Variants in KCNK9 observed in about 807,000 individuals in gnomAD.
KCNK9 encodes potassium two pore domain channel subfamily K member 9, also known as potassium channel subfamily K member 9.
Under a neutral mutation model 10.8 loss-of-function variants are expected in KCNK9, and 1 was observed. The ratio of observed to expected loss-of-function variants is 0.09; its 90% confidence interval spans 0.03 to 0.44. The LOEUF (loss-of-function observed/expected upper bound fraction) is 0.44, where lower values mean the gene tolerates loss of function less well. KCNK9 is among the 20% of genes least tolerant of loss of function. The pLI, the probability that KCNK9 is intolerant of heterozygous loss-of-function variation, is 0.97. For missense variants in KCNK9, 303 were observed against 515.0 expected (o/e 0.59, Z 3.98); for synonymous variants, 231 against 222.7 (o/e 1.04, Z -0.33).
chr8:139,607,865 C>G (rs1365711940), downstream of KCNK9, among the ~76,000 whole-genome samples: 2 of 152,182 alleles, frequency 1.3e-5, no homozygotes, highest in Non-Finnish European at 2.9e-5. Flanking sequence ...AAGACACCTG[C>G]CTCTTAGCTC....
At chr8:139,637,291 A>G (rs369246143) in intron 1 of KCNK9, among the ~76,000 whole-genome samples, 3 of 152,232 alleles carry the variant, frequency 2.0e-5, no homozygotes, top group African/African-American at 7.2e-5. Context: ...ACCGCAAGGC[A>G]TTTAAGGACA....
chr8:139,649,367 G>A (rs1815786098), intron 1 of KCNK9, among the ~76,000 whole-genome samples: 2 of 152,156 alleles, frequency 1.3e-5, no homozygotes, highest in Non-Finnish European at 2.9e-5. Flanking sequence ...CGTTGATTTG[G>A]GGGCTGGCTG....
chr8:139,660,792 C>T (rs1816133516), intron 1 of KCNK9, among the ~76,000 whole-genome samples: 1 of 152,066 alleles, frequency 6.6e-6, no homozygotes, highest in Non-Finnish European at 1.5e-5. Flanking sequence ...ATATGTCTTG[C>T]AACCATTCCC....
At chr8:139,686,885 G>C (rs773109421) in intron 1 of KCNK9, among the ~76,000 whole-genome samples, 11 of 152,074 alleles carry the variant, frequency 7.2e-5, no homozygotes, top group African/African-American at 2.7e-4. Flanking sequence ...GACACCTATG[G>C]GATGCAGCCA....
At chr8:139,647,364 C>T (rs1350499159) in intron 1 of KCNK9, among the ~76,000 whole-genome samples, 2 of 152,204 alleles carry the variant, frequency 1.3e-5, no homozygotes, top group Non-Finnish European at 2.9e-5. Context: ...GTTTGCCAGG[C>T]ACAGCTGTAG....
At chr8:139,606,272 C>CA (rs1563709297) in intron 2 of KCNK9, among the ~76,000 whole-genome samples, 1 of 152,204 alleles carries the variant, frequency 6.6e-6, no homozygotes, top group Non-Finnish European at 1.5e-5. Flanking sequence ...ATCACCCTCC[C>CA]ACAGGGAGTG....
downstream of KCNK9, among the ~76,000 whole-genome samples, chr8:139,609,856 G>A (rs892864526): frequency 6.6e-6 from 1 of 152,168 alleles, no homozygotes; most frequent in Non-Finnish European, 1.5e-5. Flanking sequence ...CTGGCGTCCT[G>A]TCCATGGTGG....
At chr8:139,604,509 G>T (rs534628324) in intron 2 of KCNK9, among the ~76,000 whole-genome samples, 1 of 152,270 alleles carries the variant, frequency 6.6e-6, no homozygotes, top group South Asian at 2.1e-4. Flanking sequence ...AGCACAAGCC[G>T]GGCACGCAGA....
At chr8:139,649,115 T>A (rs73724497) in intron 1 of KCNK9, among the ~76,000 whole-genome samples, 7,862 of 152,238 alleles carry the variant, frequency 0.052, 684 homozygotes, top group African/African-American at 0.18. Flanking sequence ...CTCCCACACC[T>A]TTTATTCCAT....
intron 2 of KCNK9, among the ~76,000 whole-genome samples, chr8:139,603,754 G>C (rs892973241): frequency 4.6e-5 from 7 of 152,196 alleles, no homozygotes; most frequent in Non-Finnish European, 8.8e-5. Context: ...AGCCAGGAAA[G>C]GAACTCAGCC....
chr8:139,621,337 T>C (rs988814543), intron 1 of KCNK9, among the ~76,000 whole-genome samples: 1 of 149,468 alleles, frequency 6.7e-6, no homozygotes. Context: ...CACAAACTTA[T>C]AGATTCAAGA....
intron 1 of KCNK9, among the ~76,000 whole-genome samples, chr8:139,674,910 C>T (rs998310846): frequency 6.6e-6 from 1 of 152,120 alleles, no homozygotes; most frequent in African/African-American, 2.4e-5. Flanking sequence ...CTTCCTCCCC[C>T]CGAAGCCTTC....
At chr8:139,663,244 C>G (rs1408156093) in intron 1 of KCNK9, among the ~76,000 whole-genome samples, 2 of 152,142 alleles carry the variant, frequency 1.3e-5, no homozygotes, top group Non-Finnish European at 2.9e-5. Flanking sequence ...CCAGTGAATC[C>G]TCCCAGGCCA....
rs73724499 is a variant in KCNK9 at position 139,651,379 on chromosome 8, C to T, written c.284-32280G>A. 6.1e-3 allele frequency among the ~76,000 whole-genome samples: 926 copies of T among 152,322 alleles called. 7 individuals are homozygous for T. Among genetic ancestry groups the T allele is most frequent in the African/African-American group, 0.02 (851 of 41,568 alleles). On this transcript the variant is annotated intron_variant, in intron 1 of 1. Transcript: ENST00000520439. ...CCCACCTCCTGACCACGGATGGGCA[C>T]GGCAACCACACCTGGCCACCTGTGG...
intron 1 of KCNK9, among the ~76,000 whole-genome samples, chr8:139,645,056 C>T (rs1815633248): frequency 6.6e-6 from 1 of 152,208 alleles, no homozygotes; most frequent in African/African-American, 2.4e-5. Flanking sequence ...GGGGTGGCTT[C>T]CCTCCCGCAC....
intron 2 of KCNK9, among the ~76,000 whole-genome samples, chr8:139,605,496 G>A (rs1245962937): frequency 2.0e-5 from 3 of 152,218 alleles, no homozygotes; most frequent in Non-Finnish European, 4.4e-5. Flanking sequence ...GGAAGACCAA[G>A]AGCAAACAGG....
rs1377719307 is a variant in KCNK9 at position 139,703,046 on chromosome 8, G to A, written c.-54C>T. ...GCATGTCCCGCAGGCTCACAGCCGC[G>A]CGCGTCCCACTGCAGCGCCCGGCGG... On this transcript the variant is annotated 5_prime_UTR_variant, in exon 1 of 2. Transcript: ENST00000520439. The surrounding 1 kb of genome is among the most constrained non-coding windows in gnomAD (Gnocchi z 6.4). The A allele has an allele frequency of 2.6e-6, 4 of 1,523,834 alleles. No individual in the cohort carries two copies. Among genetic ancestry groups the A allele is most frequent in the African/African-American group, 2.8e-5 (2 of 72,092 alleles). The allele number at this position is 1,523,834 out of a possible 1,614,324, so 94.4% of individuals were successfully genotyped here. A position where few individuals can be genotyped will look rare whatever the true frequency, so the allele number is the denominator to read the frequency against.
chr8:139,689,680 C>T (rs3780030), intron 1 of KCNK9, among the ~76,000 whole-genome samples: 109,756 of 148,832 alleles, frequency 0.74, 40,738 homozygotes, highest in African/African-American at 0.78. Flanking sequence ...TCTCACTCTG[C>T]TGCCCAAGCT....
intron 1 of KCNK9, among the ~76,000 whole-genome samples, chr8:139,700,577 C>T (rs950302484): frequency 1.3e-4 from 20 of 151,764 alleles, no homozygotes; most frequent in African/African-American, 4.4e-4. Context: ...TTTTTCCCAA[C>T]CTTTCTTTCC....
Sources: gnomAD v4.1 joint callset for allele counts (sites outside exome capture counted in the v4.1 genomes callset) on GRCh38, gnomAD v4.1.1 for gene constraint, Gnocchi (gnomAD v3.1) non-coding constraint, MANE v1.5 for transcripts, NCBI Gene and HGNC (gene_info 2026-07-23, HGNC 2026-07-21) for gene names.